Variants in ATRNL1 observed in about 807,000 individuals in gnomAD.
ATRNL1 encodes the protein attractin-like protein 1.
A neutral mutation model predicts 182.7 loss-of-function variants in ATRNL1; 95 were observed. The observed-to-expected ratio is 0.52, with a 90% CI of 0.44 to 0.62. The LOEUF (loss-of-function observed/expected upper bound fraction) is 0.62, where lower values mean the gene tolerates loss of function less well. Ranked by LOEUF, ATRNL1 falls within the 20% of genes least tolerant of loss-of-function variation. The probability of loss-of-function intolerance (pLI) is 0.00; values close to 1 mark genes in which losing one functional copy is unlikely to be tolerated. For synonymous variants in ATRNL1, 576 were observed against 568.3 expected (o/e 1.01, Z -0.19); for missense variants, 1,471 against 1,679.5 (o/e 0.88, Z 2.17).
At chr10:115,539,453 C>T (rs1449320964) in intron 25 of ATRNL1, among the ~76,000 whole-genome samples, 1 of 152,156 alleles carries the variant, frequency 6.6e-6, no homozygotes, top group African/African-American at 2.4e-5. Flanking sequence ...CAGAGAAGAA[C>T]ACCAGAATTC....
rs577866152 is a variant in ATRNL1, at chr10:115,857,699, G to T, written c.4018+9708G>T. 7.2e-5 allele frequency among the ~76,000 whole-genome samples: 11 copies of T among 152,270 alleles called. No homozygotes were observed. In the South Asian group the frequency reaches 2.1e-3, roughly 29 times the overall value. ...TGTAAAGGAAACAAAAGAAAATAAG[G>T]ATGAGAAGCTTAAAGAATAGTGAAA... On this transcript the variant is annotated intron_variant, in intron 28 of 28. Coordinates refer to ENST00000355044, the MANE Select transcript of ATRNL1 (RefSeq NM_207303.4).
chr10:115,431,425 G>T (rs1554963941), intron 21 of ATRNL1, among the ~76,000 whole-genome samples: 2 of 147,760 alleles, frequency 1.4e-5, no homozygotes, highest in Admixed American at 6.7e-5. Flanking sequence ...AAAAAGAAAA[G>T]AAAAGATATA....
intron 27 of ATRNL1, among the ~76,000 whole-genome samples, chr10:115,827,667 T>G (rs1333863328): frequency 6.6e-6 from 1 of 152,022 alleles, no homozygotes; most frequent in Non-Finnish European, 1.5e-5. Flanking sequence ...GGGATAGATA[T>G]GAAATTTAGA....
intron 26 of ATRNL1, among the ~76,000 whole-genome samples, chr10:115,721,627 T>C (rs1425536502): frequency 2.0e-5 from 3 of 152,030 alleles, no homozygotes; most frequent in African/African-American, 7.2e-5. Context: ...ATCATGAGAA[T>C]AACACGGGAA....
chr10:115,219,393 G>A (rs1350249864), intron 9 of ATRNL1, among the ~76,000 whole-genome samples: 4 of 151,932 alleles, frequency 2.6e-5, no homozygotes, highest in African/African-American at 4.8e-5. Flanking sequence ...GACATTTTTC[G>A]CCTAGCCAGC....
chr10:115,541,017 A>G (rs74864489), intron 25 of ATRNL1, among the ~76,000 whole-genome samples: 1,805 of 152,348 alleles, frequency 0.012, 12 homozygotes, highest in Non-Finnish European at 0.019. Flanking sequence ...ACATTAGAAT[A>G]TAGAATGGAT....
intron 24 of ATRNL1, among the ~76,000 whole-genome samples, chr10:115,491,241 C>A (rs1432248433): frequency 6.6e-6 from 1 of 152,152 alleles, no homozygotes; most frequent in Non-Finnish European, 1.5e-5. Flanking sequence ...CCACTTGAGG[C>A]CGTCTGTTCC....
At chr10:115,843,208 A>G (rs782477935) in intron 27 of ATRNL1, among the ~76,000 whole-genome samples, 1 of 152,070 alleles carries the variant, frequency 6.6e-6, no homozygotes, top group African/African-American at 2.4e-5. Flanking sequence ...CAACATGTAC[A>G]TCAATAAGTA....
In ATRNL1 at chr10:115,119,489, C is replaced by T. The variant is rs1326773634; in HGVS notation, c.294-696C>T. 2.0e-5 allele frequency among the ~76,000 whole-genome samples: 3 copies of T among 151,468 alleles called. No individual in the cohort carries two copies. In the South Asian group the frequency reaches 6.2e-4, roughly 31 times the overall value. The stretch of plus-strand genomic sequence containing the variant: ...ATGGTCTCTTGATAAAATAATTGGG[C>T]TGGAAGTAAAAAAAACAAAATGAAG... On this transcript the variant is annotated intron_variant, in intron 1 of 28. Transcript: ENST00000355044.
intron 26 of ATRNL1, among the ~76,000 whole-genome samples, chr10:115,674,907 C>T (rs1945812356): frequency 6.6e-6 from 1 of 152,070 alleles, no homozygotes. Context: ...AGTTAAAATA[C>T]CACATCTTTA....
intron 27 of ATRNL1, among the ~76,000 whole-genome samples, chr10:115,762,110 T>C (rs1490913971): frequency 6.6e-6 from 1 of 152,178 alleles, no homozygotes; most frequent in Non-Finnish European, 1.5e-5. Context: ...GTATGACACC[T>C]CACACATGAA....
chr10:115,138,340 C>T (rs563897761), intron 5 of ATRNL1, among the ~76,000 whole-genome samples: 8 of 152,354 alleles, frequency 5.3e-5, no homozygotes, highest in Middle Eastern at 3.4e-3. Context: ...CCAGTAGGGA[C>T]TCTGTGTGGG....
intron 19 of ATRNL1, among the ~76,000 whole-genome samples, chr10:115,372,070 G>A (rs1267873900): frequency 6.6e-6 from 1 of 152,160 alleles, no homozygotes; most frequent in Non-Finnish European, 1.5e-5. Context: ...TGCCGTGATT[G>A]TGTGGCCTCC....
chr10:115,904,829 A>G (rs1555114184), intron 28 of ATRNL1, among the ~76,000 whole-genome samples: 1 of 152,242 alleles, frequency 6.6e-6, no homozygotes, highest in African/African-American at 2.4e-5. Flanking sequence ...AAAGTCTGCA[A>G]TCAGATTCTC....
chr10:115,535,882 C>T (rs527793013), intron 25 of ATRNL1, among the ~76,000 whole-genome samples: 51 of 152,076 alleles, frequency 3.4e-4, no homozygotes, highest in Middle Eastern at 3.4e-3. Flanking sequence ...ACTCCAGACC[C>T]TGTTTGCCTG....
intron 26 of ATRNL1, among the ~76,000 whole-genome samples, chr10:115,714,451 G>A (rs1358368982): frequency 6.6e-6 from 1 of 152,126 alleles, no homozygotes; most frequent in African/African-American, 2.4e-5. Context: ...CAAACAGCAC[G>A]AACTTTCTGA....
chr10:115,935,666 CA>C (rs1466617778), intron 28 of ATRNL1, among the ~76,000 whole-genome samples: 1 of 152,042 alleles, frequency 6.6e-6, no homozygotes, highest in Non-Finnish European at 1.5e-5. Flanking sequence ...GACATCAGGA[CA>C]AAAATAGCTT....
intron 26 of ATRNL1, among the ~76,000 whole-genome samples, chr10:115,577,778 C>A (rs1679550601): frequency 6.6e-6 from 1 of 151,544 alleles, no homozygotes; most frequent in South Asian, 2.1e-4. Flanking sequence ...CTAGTACTAT[C>A]AGTACTATGT....
At chr10:115,570,619 G>A (rs892082571) in intron 26 of ATRNL1, among the ~76,000 whole-genome samples, 2 of 152,136 alleles carry the variant, frequency 1.3e-5, no homozygotes, top group Admixed American at 1.3e-4. Context: ...AGATTTTCAT[G>A]CCCATCTGTA....
Sources: gnomAD v4.1 joint callset for allele counts (sites outside exome capture counted in the v4.1 genomes callset) on GRCh38, gnomAD v4.1.1 for gene constraint, MANE v1.5 for transcripts, NCBI Gene and HGNC (gene_info 2026-07-23, HGNC 2026-07-21) for gene names.